NCOR1: variants seen among roughly 807,000 people sequenced by gnomAD.
The protein encoded by NCOR1 is nuclear receptor corepressor 1.
In NCOR1, 63 loss-of-function variants were observed where a neutral mutation model predicts 288.1. The ratio of observed to expected loss-of-function variants is 0.22; its 90% confidence interval spans 0.18 to 0.27. The LOEUF (loss-of-function observed/expected upper bound fraction) is 0.27. Among genes scored for constraint, NCOR1 ranks in the 10% least tolerant of loss-of-function variants. The pLI is 1.00. For missense variants in NCOR1, 2,397 were observed against 3,019.2 expected (o/e 0.79, Z 4.83); for synonymous variants, 1,007 against 1,065.9 (o/e 0.94, Z 1.08).
chr17:16,182,099 G>T (rs968935699), intron 3 of NCOR1, among the ~76,000 whole-genome samples: 1 of 152,106 alleles, frequency 6.6e-6, no homozygotes, highest in African/African-American at 2.4e-5. Context: ...AAGCAAAATT[G>T]CAGCTACAAA....
intron 10 of NCOR1, among the ~76,000 whole-genome samples, chr17:16,144,475 G>A (rs1384956657): frequency 1.3e-5 from 2 of 152,126 alleles, no homozygotes; most frequent in Non-Finnish European, 2.9e-5. Context: ...GTGGGTACAT[G>A]TGCAAGTTTG....
Position 16,194,658 on chromosome 17 carries a change from A to C in NCOR1, c.-70-19T>G. Reference sequence around the variant, plus strand: ...AAACCACCTAAACAGGATGAGAAAAAAACAGAATTAGTAAGAACTAAAACA... The same window carrying C: ...AAACCACCTAAACAGGATGAGAAAACAACAGAATTAGTAAGAACTAAAACA... On this transcript the variant is annotated intron_variant, in intron 1 of 45. Coordinates refer to ENST00000268712, the MANE Select transcript of NCOR1 (RefSeq NM_006311.4). 1.4e-6 allele frequency: 1 copy of C among 738,362 alleles called. No homozygotes were observed. Among genetic ancestry groups the C allele is most frequent in the Non-Finnish European group, 2.2e-6 (1 of 444,574 alleles). The allele number at this position is 738,362 out of a possible 1,614,324, so 45.7% of individuals were successfully genotyped here.
intron 4 of NCOR1, among the ~76,000 whole-genome samples, chr17:16,168,754 T>C (rs1383540020): frequency 6.6e-6 from 1 of 151,970 alleles, no homozygotes; most frequent in Non-Finnish European, 1.5e-5. Context: ...GCAGATCACC[T>C]GAGGTCAGGA....
intron 6 of NCOR1, among the ~76,000 whole-genome samples, 166 bp from the exon 7 acceptor site, chr17:16,153,561 T>C (rs1429268817): frequency 1.3e-5 from 2 of 152,334 alleles, no homozygotes; most frequent in Middle Eastern, 3.4e-3. Flanking sequence ...CAGTTATTTT[T>C]TATTTTTTCT....
intron 30 of NCOR1, among the ~76,000 whole-genome samples, 185 bp downstream of exon 30, chr17:16,071,224 G>A (rs1431650071): frequency 6.6e-6 from 1 of 151,492 alleles, no homozygotes. Flanking sequence ...GCTATATAGT[G>A]AGCTGTGATC....
Position 16,146,410 on chromosome 17 carries a change from G to T in NCOR1, c.1048C>A (p.Arg350=), listed in dbSNP as rs2078010778. ...CTTTCTTGCTGTTCTCTTTGTTTTC[G>T]AATTTCTGGAAACTGCTTTTCATAG... ...EYYEKQFPEI[R]KQREQQERFQ... is the part of the protein sequence containing the mutation. Residue 350 remains arginine, a synonymous_variant, in exon 10 of 46, where the codon CGA becomes AGA. Transcript: ENST00000268712. 2.5e-6 allele frequency: 4 copies of T among 1,609,300 alleles called. No homozygotes were observed. The African/African-American group carries it at 5.4e-5, about 22-fold the overall frequency.
chr17:16,151,489 G>T, intron 8 of NCOR1: 1 of 823,470 alleles, frequency 1.2e-6, no homozygotes, highest in Non-Finnish European at 1.8e-6. Flanking sequence ...TTTGAATAAT[G>T]ATAAAATGAT....
In NCOR1 at chr17:16,063,927, CCT is replaced by C. The variant is rs980037135; in HGVS notation, c.5221+139_5221+140del. On this transcript the variant is annotated intron_variant, in intron 35 of 45. Coordinates refer to ENST00000268712, the MANE Select transcript of NCOR1 (RefSeq NM_006311.4). Reference sequence around the variant, plus strand: ...CATCTCAGCTGCTACAGCACTTTCACCTGTTTTTCACTTGGGGCCTGTAATAA... The same window carrying C: ...CATCTCAGCTGCTACAGCACTTTCACGTTTTTCACTTGGGGCCTGTAATAA... 2.6e-6 allele frequency: 3 copies of C among 1,132,770 alleles called. No homozygotes were observed. The African/African-American group carries it at 4.8e-5, about 18-fold the overall frequency. The allele number at this position is 1,132,770 out of a possible 1,614,324, so 70.2% of individuals were successfully genotyped here.
intron 1 of NCOR1, among the ~76,000 whole-genome samples, chr17:16,209,476 C>G (rs1351122979): frequency 1.3e-5 from 2 of 151,762 alleles, no homozygotes; most frequent in Non-Finnish European, 1.5e-5. Context: ...AATCCCAGCA[C>G]TTTGGGAGGC....
intron 18 of NCOR1, among the ~76,000 whole-genome samples, chr17:16,114,160 A>AAAACAAC (rs1555667914): frequency 9.4e-6 from 1 of 106,894 alleles, no homozygotes; most frequent in Non-Finnish European, 2.0e-5. Flanking sequence ...AAAAAAAAAA[A>AAAACAAC]AAAAAAAAAC....
intron 42 of NCOR1, among the ~76,000 whole-genome samples, chr17:16,045,753 G>A (rs1016524969): frequency 3.9e-5 from 6 of 151,976 alleles, no homozygotes; most frequent in Non-Finnish European, 7.4e-5. Flanking sequence ...TGATCAACCC[G>A]TCTTGGCCTT....
chr17:16,063,989 T>G, intron 35 of NCOR1, 79 bp downstream of exon 35: 2 of 1,439,078 alleles, frequency 1.4e-6, no homozygotes, highest in Non-Finnish European at 1.8e-6. Flanking sequence ...ATCAAAACTT[T>G]TTGTGCGCAG....
intron 45 of NCOR1, among the ~76,000 whole-genome samples, chr17:16,034,063 T>TTAGAA (rs940774640): frequency 1.1e-4 from 16 of 152,212 alleles, no homozygotes; most frequent in African/African-American, 3.9e-4. Flanking sequence ...CCTAAGAACT[T>TTAGAA]TTTCTAAGAA....
At chr17:16,196,313 T>C (rs1334820725) in intron 1 of NCOR1, among the ~76,000 whole-genome samples, 1 of 152,034 alleles carries the variant, frequency 6.6e-6, no homozygotes, top group African/African-American at 2.4e-5. Context: ...CAATATATTC[T>C]TTATCCAGTT....
At chr17:16,201,891 G>T (rs751805622) in intron 1 of NCOR1, among the ~76,000 whole-genome samples, 18 of 151,750 alleles carry the variant, frequency 1.2e-4, no homozygotes, top group Non-Finnish European at 2.1e-4. Flanking sequence ...GGAGTTCAAG[G>T]CCAGTCTGGC....
At chr17:16,205,231 A>G (rs1002430358) in intron 1 of NCOR1, among the ~76,000 whole-genome samples, 1 of 152,094 alleles carries the variant, frequency 6.6e-6, no homozygotes, top group Non-Finnish European at 1.5e-5. Flanking sequence ...ACAAAAAAAA[A>G]AAAGAAAGAA....
rs1324998007 is a variant in NCOR1 at position 16,215,387 on chromosome 17, G to A, written c.-96C>T. ...CGGGAGCTGGCTAAGCGTGGGAGCC[G>A]ACGTGCGCCCCGGCCTGAGGAGTGG... On this transcript the variant is annotated 5_prime_UTR_variant, in exon 1 of 46. Transcript: ENST00000268712. 1 of 395,326 alleles carries A rather than the reference G, an allele frequency of 2.5e-6. No homozygotes were observed. The highest frequency in any genetic ancestry group is 4.4e-5 in the Admixed American group (1 of 22,614). 24.5% of individuals were successfully genotyped at this position (395,326 alleles called of 1,614,324 possible).
At chr17:16,046,383 C>G (rs1320415035) in intron 42 of NCOR1, among the ~76,000 whole-genome samples, 1 of 152,196 alleles carries the variant, frequency 6.6e-6, no homozygotes, top group Non-Finnish European at 1.5e-5. Context: ...AGCTAATAGT[C>G]TTAGGCTACT....
intron 4 of NCOR1, among the ~76,000 whole-genome samples, chr17:16,168,098 T>C (rs1325378728): frequency 6.6e-6 from 1 of 152,052 alleles, no homozygotes; most frequent in Admixed American, 6.5e-5. Context: ...TACTAACAAA[T>C]AATAAGTGTA....
Sources: gnomAD v4.1 joint callset for allele counts (sites outside exome capture counted in the v4.1 genomes callset) on GRCh38, gnomAD v4.1.1 for gene constraint, MANE v1.5 for transcripts, NCBI Gene and HGNC (gene_info 2026-07-23, HGNC 2026-07-21) for gene names.